Variants in ZNF875 observed in about 807,000 individuals in gnomAD.
ZNF875 encodes zinc finger protein 875.
Under a neutral mutation model 11.2 loss-of-function variants are expected in ZNF875, and 14 were observed. The observed-to-expected ratio is 1.26, with a 90% CI of 0.83 to 1.96. ZNF875 has a LOEUF of 1.96. Ranked by LOEUF, ZNF875 falls within the 30% of genes most tolerant of loss-of-function variation. ZNF875 has a pLI of 0.00. For missense variants in ZNF875, 752 were observed against 760.4 expected (o/e 0.99, Z 0.13); for synonymous variants, 301 against 281.1 (o/e 1.07, Z -0.71).
In ZNF875 at chr19:37,363,921, G is replaced by C. The variant is rs181182637; in HGVS notation, c.*146G>C. On this transcript the variant is annotated 3_prime_UTR_variant, in exon 5 of 5. Coordinates refer to ENST00000392153, the MANE Select transcript of ZNF875 (RefSeq NM_001353803.2). ...ACATTCTGTGTGTGATTATGCATGA[G>C]ACTGTACTGGTAAGACTTGTATCTC... is the stretch of plus-strand genomic sequence containing the variant. The C allele has an allele frequency of 3.6e-4, 237 of 661,528 alleles. 2 individuals carry two copies. In the African/African-American group the frequency reaches 3.9e-3, roughly 11 times the overall value. The allele number at this position is 661,528 out of a possible 1,614,324, so 41.0% of individuals were successfully genotyped here. A position where few individuals can be genotyped will look rare whatever the true frequency, so the allele number is the denominator to read the frequency against.
At chr19:37,354,479 T>C (rs1043062715) in intron 4 of ZNF875, among the ~76,000 whole-genome samples, 7 of 151,970 alleles carry the variant, frequency 4.6e-5, no homozygotes, top group Admixed American at 2.6e-4. Context: ...AGGGTTCTTG[T>C]GACCATTTCA....
At chr19:37,317,924 G>A (rs57991649) in exon 1 of ZNF875, 2,526 of 154,572 alleles carry the variant, frequency 0.016, 67 homozygotes, top group African/African-American at 0.057. Flanking sequence ...TCTGCAGATG[G>A]CGTCCGAGTG....
intron 1 of ZNF875, among the ~76,000 whole-genome samples, chr19:37,321,614 T>C (rs1437224446): frequency 6.6e-6 from 1 of 152,150 alleles, no homozygotes; most frequent in Admixed American, 6.5e-5. Flanking sequence ...TGTCTCTTTC[T>C]TTTCTCAGTT....
intron 4 of ZNF875, chr19:37,359,807 T>G (rs2039605659): frequency 6.3e-6 from 1 of 159,300 alleles, no homozygotes; most frequent in South Asian, 1.5e-4. Context: ...ATTGTAAGAA[T>G]TTTTAGTATA....
intron 2 of ZNF875, chr19:37,346,223 T>G (rs921747996): frequency 1.3e-5 from 2 of 152,242 alleles, no homozygotes; most frequent in African/African-American, 4.8e-5. Flanking sequence ...GCATTTTGTC[T>G]GAGCCCTTCA....
chr19:37,333,886 A>G (rs956306086), upstream of ZNF875, among the ~76,000 whole-genome samples: 1 of 152,068 alleles, frequency 6.6e-6, no homozygotes, highest in African/African-American at 2.4e-5. Context: ...AAACGGTCAG[A>G]CTTATGCCTC....
At chr19:37,320,126 C>T (rs1203200604) in intron 1 of ZNF875, among the ~76,000 whole-genome samples, 2 of 152,108 alleles carry the variant, frequency 1.3e-5, no homozygotes, top group East Asian at 1.9e-4. Context: ...CCACCCGCCT[C>T]GGCCTCCCAA....
At chr19:37,331,030 C>G (rs770649340), upstream of ZNF875, among the ~76,000 whole-genome samples, 9 of 151,384 alleles carry the variant, frequency 5.9e-5, no homozygotes, top group Non-Finnish European at 1.2e-4. Context: ...ACTAAAAATA[C>G]AAAAAAATTA....
At chr19:37,323,965 G>A (rs998301368) in intron 3 of ZNF875, among the ~76,000 whole-genome samples, 1 of 152,208 alleles carries the variant, frequency 6.6e-6, no homozygotes, top group African/African-American at 2.4e-5. Flanking sequence ...GAAACATTCT[G>A]TCTGTTTAGC....
rs1388127647 is a variant in ZNF875, at chr19:37,334,783, G to C, written c.-57+1G>C. 5 of 456,584 alleles carry C rather than the reference G, an allele frequency of 1.1e-5. No homozygotes were observed. The highest frequency in any genetic ancestry group is 6.9e-5 in the East Asian group (1 of 14,436). The allele number at this position is 456,584 out of a possible 1,614,324, so 28.3% of individuals were successfully genotyped here. A position where few individuals can be genotyped will look rare whatever the true frequency, so the allele number is the denominator to read the frequency against. ...GATCCGCAGCGTGCACCCGCGTTCC[G>C]TGAGTGCCCTATAGGCAGTCAGCAT... On this transcript the variant is annotated splice_donor_variant, in intron 1 of 4. Coordinates refer to ENST00000392153, the MANE Select transcript of ZNF875 (RefSeq NM_001353803.2). LOFTEE classifies it low-confidence loss of function (5UTR_SPLICE).
At chr19:37,349,994 C>G in intron 4 of ZNF875, among the ~76,000 whole-genome samples, 1 of 118,614 alleles carries the variant, frequency 8.4e-6, no homozygotes, top group African/African-American at 3.3e-5. Flanking sequence ...AATACAGAGT[C>G]TCGCTTTGTT....
intron 2 of ZNF875, among the ~76,000 whole-genome samples, chr19:37,338,002 C>T (rs1386847032): frequency 6.6e-6 from 1 of 152,168 alleles, no homozygotes; most frequent in African/African-American, 2.4e-5. Flanking sequence ...ATCAGAGCAA[C>T]ACTGAGAATT....
intron 2 of ZNF875, among the ~76,000 whole-genome samples, chr19:37,342,482 G>A (rs1176905361): frequency 2.7e-5 from 4 of 148,802 alleles, no homozygotes; most frequent in Non-Finnish European, 4.4e-5. Context: ...GAGCGATATC[G>A]GCTCACTGCA....
upstream of ZNF875, among the ~76,000 whole-genome samples, chr19:37,331,748 T>C (rs1345116981): frequency 6.8e-6 from 1 of 146,426 alleles, no homozygotes; most frequent in African/African-American, 2.5e-5. Context: ...CCCCATGTGA[T>C]AGTCTGAAAG....
At position 37,335,877 on chromosome 19, in the gene ZNF875, A is replaced by G. The variant is rs1215568357; in HGVS notation, c.33+620A>G. 2.6e-5 allele frequency among the ~76,000 whole-genome samples: 4 copies of G among 152,162 alleles called. No homozygotes were observed. The East Asian group carries it at 7.7e-4, about 29-fold the overall frequency. ...AATCCCTTTGGTCTTTTCGGCTCCA[A>G]ACATAGTCTGACCTGAATTTTACCT... On this transcript the variant is annotated intron_variant, in intron 2 of 4. Coordinates refer to ENST00000392153, the MANE Select transcript of ZNF875 (RefSeq NM_001353803.2).
intron 4 of ZNF875, among the ~76,000 whole-genome samples, chr19:37,348,105 G>A (rs1049243381): frequency 5.9e-5 from 9 of 152,058 alleles, no homozygotes; most frequent in Non-Finnish European, 1.0e-4. Context: ...TGTCTTCTCC[G>A]TAATGCTTAG....
At chr19:37,333,077 C>A (rs2033651724), upstream of ZNF875, among the ~76,000 whole-genome samples, 2 of 152,152 alleles carry the variant, frequency 1.3e-5, no homozygotes, top group African/African-American at 4.8e-5. Flanking sequence ...ATCACTTGAT[C>A]CTTATCACTT....
At chr19:37,353,515 T>TAG (rs2038322940) in intron 4 of ZNF875, among the ~76,000 whole-genome samples, 1 of 152,228 alleles carries the variant, frequency 6.6e-6, no homozygotes, top group African/African-American at 2.4e-5. Context: ...TTTCTTATGC[T>TAG]CTTCACTCCT....
In ZNF875 at chr19:37,350,145, C is replaced by T. The variant is rs2037590687; in HGVS notation, c.256+2273C>T. On this transcript the variant is annotated intron_variant, in intron 4 of 4. Transcript: ENST00000392153. ...TTTTTTTTTTTAATACAGAGTCTCG[C>T]TCTGTTGCCAGGCTGGAGTGCAAAG... Among the ~76,000 whole-genome samples, 3 of 138,106 alleles carry T rather than the reference C, an allele frequency of 2.2e-5. No homozygotes were observed. The Admixed American group carries it at 2.3e-4, about 10-fold the overall frequency. 90.6% of individuals were successfully genotyped at this position (138,106 alleles called of 152,430 possible).
Sources: gnomAD v4.1 joint callset for allele counts (sites outside exome capture counted in the v4.1 genomes callset) on GRCh38, gnomAD v4.1.1 for gene constraint, MANE v1.5 for transcripts, NCBI Gene and HGNC (gene_info 2026-07-23, HGNC 2026-07-21) for gene names.